Variants in ADK observed in about 807,000 individuals in gnomAD.
The protein encoded by ADK is N6,N6-dimethyladenosine kinase.
A neutral mutation model predicts 44.7 loss-of-function variants in ADK; 24 were observed. The observed-to-expected ratio is 0.54, with a 90% CI of 0.39 to 0.76. The LOEUF (loss-of-function observed/expected upper bound fraction) is 0.76. Among genes scored for constraint, ADK ranks in the 30% least tolerant of loss-of-function variants. The probability of loss-of-function intolerance (pLI) is 0.00; values close to 1 mark genes in which losing one functional copy is unlikely to be tolerated. For missense variants in ADK, 321 were observed against 425.1 expected (o/e 0.76, Z 2.15); for synonymous variants, 128 against 142.6 (o/e 0.90, Z 0.73).
chr10:74,676,567 C>T (rs185066491), intron 10 of ADK, among the ~76,000 whole-genome samples: 65 of 152,284 alleles, frequency 4.3e-4, no homozygotes, highest in African/African-American at 1.5e-3. Flanking sequence ...GCCTCAAACT[C>T]CTGGGCTCAA....
chr10:74,210,989 ATTC>A (rs1260877938), intron 2 of ADK, among the ~76,000 whole-genome samples: 7 of 152,106 alleles, frequency 4.6e-5, no homozygotes, highest in Non-Finnish European at 8.8e-5. Flanking sequence ...GGTTCAAGCT[ATTC>A]TTATGCCTCA....
At chr10:74,686,383 T>C (rs1285639676) in intron 10 of ADK, among the ~76,000 whole-genome samples, 1 of 152,172 alleles carries the variant, frequency 6.6e-6, no homozygotes, top group East Asian at 1.9e-4. Flanking sequence ...GTGGGGACTT[T>C]AAGAGGTGAT....
At chr10:74,667,249 A>G (rs1854992407) in intron 9 of ADK, among the ~76,000 whole-genome samples, 1 of 152,154 alleles carries the variant, frequency 6.6e-6, no homozygotes, top group South Asian at 2.1e-4. Context: ...TTTTGAAAGG[A>G]GTTCTTGTAG....
rs760892813 is a variant in ADK, at chr10:74,296,181, A to T, written c.195-18486A>T. On this transcript the variant is annotated intron_variant, in intron 3 of 10. Coordinates refer to ENST00000539909, the MANE Select transcript of ADK (RefSeq NM_006721.4). ...AGATGGATACAGGACCATATAAAAA[A>T]TTTTTTTTATGCATGGCAAGAAGTT... 4.2e-4 allele frequency among the ~76,000 whole-genome samples: 63 copies of T among 151,746 alleles called. 1 individual carries two copies. Among genetic ancestry groups the T allele is most frequent in the South Asian group, 1.2e-3 (6 of 4,806 alleles).
intron 6 of ADK, among the ~76,000 whole-genome samples, chr10:74,490,790 A>C (rs889606502): frequency 6.6e-6 from 1 of 152,104 alleles, no homozygotes; most frequent in African/African-American, 2.4e-5. Flanking sequence ...ATTGAACAAG[A>C]TGTTTGCAGA....
At chr10:74,222,296 C>A (rs1313146564) in intron 2 of ADK, among the ~76,000 whole-genome samples, 2 of 152,098 alleles carry the variant, frequency 1.3e-5, no homozygotes, top group Non-Finnish European at 2.9e-5. Context: ...AAATGCAAAT[C>A]AAAACCACAG....
intron 3 of ADK, among the ~76,000 whole-genome samples, chr10:74,284,079 C>G (rs973182756): frequency 6.6e-6 from 1 of 152,198 alleles, no homozygotes; most frequent in Non-Finnish European, 1.5e-5. Flanking sequence ...CTGCTTCAGC[C>G]TTCTGAGTAG....
chr10:74,284,112 C>A (rs931852235), intron 3 of ADK, among the ~76,000 whole-genome samples: 1 of 152,170 alleles, frequency 6.6e-6, no homozygotes, highest in African/African-American at 2.4e-5. Flanking sequence ...GCGTGTGCCA[C>A]CATGCCCGGC....
intron 9 of ADK, among the ~76,000 whole-genome samples, chr10:74,632,743 A>C (rs1853486755): frequency 6.6e-6 from 1 of 152,180 alleles, no homozygotes; most frequent in African/African-American, 2.4e-5. Flanking sequence ...CCAGATGGAC[A>C]TGAATTCAGG....
At chr10:74,285,707 C>A (rs1185932177) in intron 3 of ADK, among the ~76,000 whole-genome samples, 2 of 151,396 alleles carry the variant, frequency 1.3e-5, no homozygotes, top group Non-Finnish European at 2.9e-5. Flanking sequence ...AACAAAAACC[C>A]AGTTAGACTG....
intron 4 of ADK, among the ~76,000 whole-genome samples, chr10:74,359,662 A>G (rs1842263799): frequency 6.6e-6 from 1 of 152,196 alleles, no homozygotes; most frequent in African/African-American, 2.4e-5. Context: ...GTGAGCTATA[A>G]TCATGCCACT....
intron 10 of ADK, among the ~76,000 whole-genome samples, chr10:74,703,066 G>A (rs1053520729): frequency 6.6e-6 from 1 of 152,136 alleles, no homozygotes; most frequent in Non-Finnish European, 1.5e-5. Flanking sequence ...CTTTGAGAAG[G>A]ATCCATCATA....
chr10:74,267,754 T>TTTTGTGTG (rs1554835954), intron 3 of ADK, among the ~76,000 whole-genome samples: 2,357 of 132,796 alleles, frequency 0.018, 43 homozygotes, highest in Middle Eastern at 0.047. Context: ...ATATCCTTAT[T>TTTTGTGTG]TGTGTGTGTG....
At chr10:74,457,192 A>G (rs1027168899) in intron 6 of ADK, among the ~76,000 whole-genome samples, 6 of 152,232 alleles carry the variant, frequency 3.9e-5, no homozygotes, top group Non-Finnish European at 7.4e-5. Flanking sequence ...ATCAGAGAAT[A>G]CTATAGACAC....
chr10:74,260,955 A>G (rs2132372482), intron 3 of ADK, among the ~76,000 whole-genome samples: 1 of 152,320 alleles, frequency 6.6e-6, no homozygotes, highest in Admixed American at 6.5e-5. Context: ...TTATTCCTAA[A>G]TAATATGTGT....
intron 4 of ADK, among the ~76,000 whole-genome samples, chr10:74,380,007 A>G (rs552194003): frequency 2.1e-4 from 32 of 152,354 alleles, no homozygotes; most frequent in Admixed American, 5.2e-4. Context: ...TCTGAGTGAC[A>G]GAGTGAGACT....
intron 7 of ADK, among the ~76,000 whole-genome samples, chr10:74,573,774 A>G (rs1229283198): frequency 2.6e-5 from 4 of 152,206 alleles, no homozygotes; most frequent in Non-Finnish European, 5.9e-5. Flanking sequence ...TGTGCTAGCA[A>G]TCAGCGAGAC....
intron 8 of ADK, among the ~76,000 whole-genome samples, chr10:74,591,610 G>T (rs1358039156): frequency 1.3e-5 from 2 of 151,988 alleles, no homozygotes; most frequent in African/African-American, 4.8e-5. Context: ...TTTGAAACTT[G>T]GTATTCTTAA....
At chr10:74,372,593 A>T (rs1842696130) in intron 4 of ADK, among the ~76,000 whole-genome samples, 1 of 152,210 alleles carries the variant, frequency 6.6e-6, no homozygotes, top group Non-Finnish European at 1.5e-5. Context: ...AAGTTATGAA[A>T]CAATTTCATT....
Sources: gnomAD v4.1 joint callset for allele counts (sites outside exome capture counted in the v4.1 genomes callset) on GRCh38, gnomAD v4.1.1 for gene constraint, MANE v1.5 for transcripts, NCBI Gene and HGNC (gene_info 2026-07-23, HGNC 2026-07-21) for gene names.